Variants in NSMCE2 observed in about 807,000 individuals in gnomAD.
The protein encoded by NSMCE2 is NSE2 SUMO ligase component of SMC5/6 complex.
A neutral mutation model predicts 23.8 loss-of-function variants in NSMCE2; 24 were observed. The ratio of observed to expected loss-of-function variants is 1.01; its 90% CI spans 0.73 to 1.42. The LOEUF is 1.42. NSMCE2 is among the 40% of genes most tolerant of loss of function. NSMCE2 has a pLI of 0.00. For missense variants in NSMCE2, 284 were observed against 296.5 expected (o/e 0.96, Z 0.31); for synonymous variants, 92 against 94.1 (o/e 0.98, Z 0.13).
intron 4 of NSMCE2, among the ~76,000 whole-genome samples, chr8:125,152,163 C>T (rs562357672): frequency 6.6e-6 from 1 of 152,078 alleles, no homozygotes; most frequent in African/African-American, 2.4e-5. Context: ...TAGTATTTGA[C>T]TAACTTTAAG....
chr8:125,326,966 A>G (rs1020504081), intron 5 of NSMCE2, among the ~76,000 whole-genome samples: 14 of 146,962 alleles, frequency 9.5e-5, no homozygotes, highest in African/African-American at 1.5e-4. Context: ...CAAAAAAAAA[A>G]AGAGAGAGAG....
intron 5 of NSMCE2, among the ~76,000 whole-genome samples, chr8:125,288,883 C>T (rs181642884): frequency 1.3e-3 from 201 of 152,274 alleles, no homozygotes; most frequent in African/African-American, 4.6e-3. Flanking sequence ...CAGCCTCAAC[C>T]TCCCAGGCTC....
intron 5 of NSMCE2, among the ~76,000 whole-genome samples, chr8:125,302,339 A>C (rs570333838): frequency 2.6e-4 from 40 of 152,334 alleles, no homozygotes; most frequent in African/African-American, 8.9e-4. Flanking sequence ...AATCAGAGGA[A>C]TCAGTCCTTG....
chr8:125,168,204 A>G (rs191885721), intron 4 of NSMCE2, among the ~76,000 whole-genome samples: 54 of 152,338 alleles, frequency 3.5e-4, no homozygotes, highest in Admixed American at 2.9e-3. Context: ...TGAAGATTGT[A>G]GTGAATGGCA....
At chr8:125,245,769 C>A (rs770082808) in intron 5 of NSMCE2, among the ~76,000 whole-genome samples, 1 of 152,312 alleles carries the variant, frequency 6.6e-6, no homozygotes, top group South Asian at 2.1e-4. Flanking sequence ...CTCTGTGGCT[C>A]ACGCATGTAA....
chr8:125,277,572 T>A (rs1431308875), intron 5 of NSMCE2, among the ~76,000 whole-genome samples: 1 of 151,992 alleles, frequency 6.6e-6, no homozygotes, highest in Non-Finnish European at 1.5e-5. Flanking sequence ...AGTGGCGCGA[T>A]CTCAGCTCAC....
chr8:125,164,201 A>G (rs763512120), intron 4 of NSMCE2, among the ~76,000 whole-genome samples: 1 of 152,192 alleles, frequency 6.6e-6, no homozygotes, highest in African/African-American at 2.4e-5. Context: ...AATCCCTTTA[A>G]TAAGCACAGT....
At chr8:125,193,694 T>G (rs1823468172) in intron 5 of NSMCE2, among the ~76,000 whole-genome samples, 1 of 152,178 alleles carries the variant, frequency 6.6e-6, no homozygotes, top group South Asian at 2.1e-4. Flanking sequence ...GAGGTAAGTG[T>G]TGTAAAACAA....
chr8:125,308,929 G>C (rs1828862374), intron 5 of NSMCE2, among the ~76,000 whole-genome samples: 1 of 152,210 alleles, frequency 6.6e-6, no homozygotes, highest in Non-Finnish European at 1.5e-5. Flanking sequence ...CGTGGGGCCA[G>C]CGTGCAGCTG....
At position 125,172,524 on chromosome 8, in the gene NSMCE2, C is replaced by G. The variant is rs6998191; in HGVS notation, c.265-9579C>G. Among the ~76,000 whole-genome samples, 490 of 152,328 alleles carry G rather than the reference C, an allele frequency of 3.2e-3. 1 individual carries two copies. The highest frequency in any genetic ancestry group is 0.011 in the African/African-American group (461 of 41,572). Reference sequence around the variant, plus strand: ...TAAAAGCGAAAAATATGCTCTCCCCCTCCCCAAAAGGGGGAATGATACATC... The same window carrying G: ...TAAAAGCGAAAAATATGCTCTCCCCGTCCCCAAAAGGGGGAATGATACATC... On this transcript the variant is annotated intron_variant, in intron 4 of 7. Transcript: ENST00000287437.
chr8:125,146,149 G>A (rs554493345), intron 3 of NSMCE2, among the ~76,000 whole-genome samples: 11 of 152,260 alleles, frequency 7.2e-5, no homozygotes, highest in Admixed American at 2.6e-4. Flanking sequence ...GATTGCCAAC[G>A]GAGCTGAGCT....
intron 5 of NSMCE2, among the ~76,000 whole-genome samples, chr8:125,312,210 A>G (rs1008738753): frequency 2.4e-4 from 37 of 152,232 alleles, no homozygotes; most frequent in African/African-American, 8.7e-4. Context: ...ATGCTTTTCA[A>G]AAGATTTGTT....
intron 5 of NSMCE2, among the ~76,000 whole-genome samples, chr8:125,314,914 G>A (rs1250580385): frequency 6.6e-6 from 1 of 152,172 alleles, no homozygotes; most frequent in Non-Finnish European, 1.5e-5. Flanking sequence ...CGAGATGTTG[G>A]GTGGAATGGG....
intron 3 of NSMCE2, among the ~76,000 whole-genome samples, chr8:125,135,118 A>G (rs1028549336): frequency 7.2e-5 from 11 of 152,008 alleles, no homozygotes; most frequent in African/African-American, 1.2e-4. Flanking sequence ...GGGTTTCACT[A>G]TGTTGTCCAG....
chr8:125,267,099 G>A (rs1226919241), intron 5 of NSMCE2, among the ~76,000 whole-genome samples: 1 of 147,810 alleles, frequency 6.8e-6, no homozygotes, highest in African/African-American at 2.5e-5. Context: ...GTACCTCCTG[G>A]GTTCAAGCAA....
At chr8:125,248,164 G>A (rs1826065511) in intron 5 of NSMCE2, among the ~76,000 whole-genome samples, 1 of 152,174 alleles carries the variant, frequency 6.6e-6, no homozygotes, top group Non-Finnish European at 1.5e-5. Flanking sequence ...ACTAAAGTGT[G>A]AAAAGAAACA....
At chr8:125,167,888 C>T (rs1821976662) in intron 4 of NSMCE2, among the ~76,000 whole-genome samples, 1 of 151,886 alleles carries the variant, frequency 6.6e-6, no homozygotes, top group Non-Finnish European at 1.5e-5. Flanking sequence ...GTAGACAGAA[C>T]TTTAATCCTT....
chr8:125,210,664 G>T (rs1429587666), intron 5 of NSMCE2, among the ~76,000 whole-genome samples: 3 of 151,692 alleles, frequency 2.0e-5, no homozygotes, highest in Non-Finnish European at 4.4e-5. Context: ...TGGCCTCAAG[G>T]GTGCCTTCCC....
chr8:125,267,867 A>G (rs1002120257), intron 5 of NSMCE2, among the ~76,000 whole-genome samples: 2 of 152,172 alleles, frequency 1.3e-5, no homozygotes, highest in Admixed American at 1.3e-4. Flanking sequence ...TCATTTTTCA[A>G]AAAGTTTAAT....
Sources: gnomAD v4.1 joint callset for allele counts (sites outside exome capture counted in the v4.1 genomes callset) on GRCh38, gnomAD v4.1.1 for gene constraint, MANE v1.5 for transcripts, NCBI Gene and HGNC (gene_info 2026-07-23, HGNC 2026-07-21) for gene names.